NALF2: variants seen among roughly 807,000 people sequenced by gnomAD.
The protein encoded by NALF2 is bB57D9.1 (TED protein).
Under a neutral mutation model 24.8 loss-of-function variants are expected in NALF2, and 1 was observed. The observed-to-expected ratio is 0.04, with a 90% CI of 0.01 to 0.19. NALF2 has a LOEUF of 0.19. Among genes scored for constraint, NALF2 ranks in the 10% least tolerant of loss-of-function variants. The pLI is 1.00. For synonymous variants in NALF2, 254 were observed against 189.8 expected, an observed-to-expected ratio of 1.34 and a Z score of -2.78; for missense variants, 458 against 409.6, an observed-to-expected ratio of 1.12 and a Z score of -1.02.
At position 69,529,832 on chromosome X, in the gene NALF2, G is replaced by A. The variant is rs763260251; in HGVS notation, c.1295G>A (p.Arg432Gln). 41 of 1,211,612 alleles carry A rather than the reference G, an allele frequency of 3.4e-5. No homozygotes were observed. Among genetic ancestry groups the A allele is most frequent in the Middle Eastern group, 2.3e-4 (1 of 4,349 alleles). ...GGSRLSPSRI[R>Q]LCVLVLMLLH... Reference sequence around the variant, plus strand: ...TCCCGCCTCAGCCCTAGCAGGATCCGGCTCTGCGTCCTTGTTCTCATGCTC... The same window carrying A: ...TCCCGCCTCAGCCCTAGCAGGATCCAGCTCTGCGTCCTTGTTCTCATGCTC... Residue 432 changes from arginine to glutamine, a missense_variant, in exon 3 of 3, where the codon CGG becomes CAG. Arg to Gln is a conservative substitution (Grantham distance 43, BLOSUM62 1). Coordinates refer to ENST00000252338, the MANE Select transcript of NALF2 (RefSeq NM_015686.3).
At chrX:69,529,286 A>G (rs1930858167) in intron 2 of NALF2, 122 bp downstream of exon 2, 5 of 840,827 alleles carry the variant, frequency 5.9e-6, no homozygotes, top group Non-Finnish European at 8.2e-6. Flanking sequence ...CAGTGGCTGG[A>G]CGAATGGGCA....
rs765165909 is a variant in NALF2, at chrX:69,510,329, G to A, written c.861+4186G>A. 1.1e-4 allele frequency among the ~76,000 whole-genome samples: 12 copies of A among 112,211 alleles called. No homozygotes were observed. The South Asian group carries it at 1.9e-3, about 17-fold the overall frequency. On this transcript the variant is annotated intron_variant, in intron 1 of 2. Coordinates refer to ENST00000252338, the MANE Select transcript of NALF2 (RefSeq NM_015686.3). The stretch of plus-strand genomic sequence containing the variant: ...AGAGCCAGCGCCTTGCCTTCTGCCC[G>A]TACCCGCTGGGGCCCTGCTCTTCCT...
rs1245800764 is a variant in NALF2, at chrX:69,529,161, A to G, written c.1030A>G (p.Thr344Ala). 1 of 1,205,919 alleles carries G rather than the reference A, an allele frequency of 8.3e-7. No individual in the cohort carries two copies. Among genetic ancestry groups the G allele is most frequent in the Non-Finnish European group, 1.1e-6 (1 of 893,220 alleles). ...VYGGLPGFIC[T>A]GLLDTSPKRL... is the part of the protein sequence containing the mutation. ...CGGAGGGCTCCCTGGCTTTATCTGT[A>G]CAGGTAAAGGCAGGGCACTGGGGAA... Residue 344 changes from threonine to alanine, a missense_variant, in exon 2 of 3, where the codon ACA becomes GCA. Thr to Ala is a moderately conservative substitution (Grantham distance 58). Transcript: ENST00000252338.
At chrX:69,510,993 G>A (rs941996430) in intron 1 of NALF2, among the ~76,000 whole-genome samples, 9 of 105,428 alleles carry the variant, frequency 8.5e-5, no homozygotes, top group East Asian at 3.2e-4. Context: ...TTCTTCCCAC[G>A]TTAGCTCACA....
chrX:69,509,918 C>G (rs1930555029), intron 1 of NALF2, among the ~76,000 whole-genome samples: 1 of 112,360 alleles, frequency 8.9e-6, no homozygotes, highest in African/African-American at 3.2e-5. Context: ...ACTTTTCTCA[C>G]CTGTAAAATG....
rs1930412719 is a variant in NALF2 at position 69,504,437 on chromosome X, G to A, written c.-846G>A. ...CTCCGCACAGCGGAAGATGGCGACAGACTGAGGGTGCATGGCCAGCGGGAG... is the reference window on the plus strand; with the variant it reads ...CTCCGCACAGCGGAAGATGGCGACAAACTGAGGGTGCATGGCCAGCGGGAG... On this transcript the variant is annotated 5_prime_UTR_variant, in exon 1 of 3. Transcript: ENST00000252338. Among the ~76,000 whole-genome samples the A allele has an allele frequency of 1.8e-5, 2 of 113,557 alleles. No individual in the cohort carries two copies. The highest frequency in any genetic ancestry group is 4.2e-3 in the Middle Eastern group (1 of 239).
intron 1 of NALF2, among the ~76,000 whole-genome samples, chrX:69,523,080 G>T (rs1433679002): frequency 1.8e-5 from 2 of 112,591 alleles, no homozygotes; most frequent in African/African-American, 3.2e-5. Context: ...CCAGCTGCTG[G>T]CCAAGGGCCC....
At chrX:69,512,455 A>T (rs1012550226) in intron 1 of NALF2, among the ~76,000 whole-genome samples, 2 of 111,700 alleles carry the variant, frequency 1.8e-5, no homozygotes, top group East Asian at 5.6e-4. Flanking sequence ...TCCTGCTCGA[A>T]TGCATTCTGG....
At chrX:69,518,551 T>C (rs1930694060) in intron 1 of NALF2, among the ~76,000 whole-genome samples, 1 of 111,708 alleles carries the variant, frequency 9.0e-6, no homozygotes, top group South Asian at 3.8e-4. Context: ...CTAATATTGC[T>C]ATTTCTTGTT....
chrX:69,526,369 C>T (rs1930808303), intron 1 of NALF2, among the ~76,000 whole-genome samples: 1 of 111,799 alleles, frequency 8.9e-6, no homozygotes, highest in African/African-American at 3.3e-5. Context: ...TCCAGTGGTC[C>T]ATGGTTTGAA....
rs151056099 is a variant in NALF2, at chrX:69,505,904, C to T, written c.622C>T (p.Leu208=). The change falls in exon 1 of 3, where the codon CTG becomes TTG. Residue 208 remains leucine, a synonymous_variant. Coordinates refer to ENST00000252338, the MANE Select transcript of NALF2 (RefSeq NM_015686.3). ...CGACACCTACACGGTCTGGGACTTGCTGCTGGGCATGGACCGCCCCGACAG... is the reference window on the plus strand; with the variant it reads ...CGACACCTACACGGTCTGGGACTTGTTGCTGGGCATGGACCGCCCCGACAG... ...FCDTYTVWDL[L]LGMDRPDSLD... 57 of 1,209,897 alleles carry T rather than the reference C, an allele frequency of 4.7e-5. No homozygotes were observed. The highest frequency in any genetic ancestry group is 5.9e-5 in the Non-Finnish European group (53 of 895,160).
intron 1 of NALF2, among the ~76,000 whole-genome samples, chrX:69,519,821 T>G (rs1274384006): frequency 1.8e-5 from 2 of 111,981 alleles, no homozygotes; most frequent in East Asian, 5.6e-4. Flanking sequence ...ATCTTCAATT[T>G]TATTCCCTCA....
At position 69,505,441 on chromosome X, in the gene NALF2, C is replaced by A. The variant is rs1186221146; in HGVS notation, c.159C>A (p.Phe53Leu). The A allele has an allele frequency of 4.4e-6, 5 of 1,142,990 alleles. No homozygotes were observed. The highest frequency in any genetic ancestry group is 5.8e-6 in the Non-Finnish European group (5 of 864,092). The allele number at this position is 1,142,990 out of a possible 1,213,427, so 94.2% of individuals were successfully genotyped here. ...WRLSLASLLFFTVLLADHLWL... is the reference protein window; with the variant it reads ...WRLSLASLLFLTVLLADHLWL... ...TGTCCCTGGCGTCCCTGCTCTTCTT[C>A]ACCGTGCTGCTCGCTGACCATCTGT... is the stretch of plus-strand genomic sequence containing the variant. Residue 53 changes from phenylalanine to leucine, a missense_variant, in exon 1 of 3, where the codon TTC becomes TTA. Phe to Leu is a conservative substitution (Grantham distance 22, BLOSUM62 0). Transcript: ENST00000252338.
chrX:69,509,053 C>G (rs1450213071), intron 1 of NALF2, among the ~76,000 whole-genome samples: 1 of 112,360 alleles, frequency 8.9e-6, no homozygotes, highest in African/African-American at 3.2e-5. Context: ...CCCCACGAAT[C>G]ATACCTGTCC....
chrX:69,517,914 C>T (rs1930685089), intron 1 of NALF2, among the ~76,000 whole-genome samples: 1 of 112,592 alleles, frequency 8.9e-6, no homozygotes, highest in South Asian at 3.7e-4. Flanking sequence ...TTTGGTGATC[C>T]CTGGAGAAGG....
intron 1 of NALF2, among the ~76,000 whole-genome samples, chrX:69,522,047 C>T (rs953608409): frequency 3.6e-5 from 4 of 111,882 alleles, no homozygotes; most frequent in Admixed American, 9.5e-5. Flanking sequence ...GTAAGAGCTG[C>T]GAGTGAAGCC....
rs753857713 is a variant in NALF2, at chrX:69,528,947, G to C, written c.862-46G>C. ...TCCTCCCATCCCTCTCCTCTGAGGT[G>C]GGAAGGGGCTGGCACATGGGCTGAT... On this transcript the variant is annotated intron_variant, in intron 1 of 2. Transcript: ENST00000252338. The C allele has an allele frequency of 4.3e-6, 5 of 1,160,358 alleles. No individual in the cohort carries two copies. In the East Asian group the frequency reaches 1.5e-4, roughly 35 times the overall value.
chrX:69,509,902 A>G (rs1930554642), intron 1 of NALF2, among the ~76,000 whole-genome samples: 1 of 112,390 alleles, frequency 8.9e-6, no homozygotes, highest in African/African-American at 3.2e-5. Flanking sequence ...CAACTCTCTG[A>G]GCCTCACTTT....
At chrX:69,529,255 G>A (rs56145324) in intron 2 of NALF2, 91 bp downstream of exon 2, 290,386 of 991,843 alleles carry the variant, frequency 0.29, 32,037 homozygotes, top group Admixed American at 0.56. Flanking sequence ...TAACAACAGG[G>A]GAGTCAGGTG....
Sources: allele counts gnomAD v4.1 joint callset (sites outside exome capture counted in the v4.1 genomes callset), GRCh38; gene constraint gnomAD v4.1.1; transcripts MANE v1.5; gene names NCBI Gene and HGNC (gene_info 2026-07-23, HGNC 2026-07-21).